Variants in FOXR1 observed in about 807,000 individuals in gnomAD.
The protein encoded by FOXR1 is forkhead box R1.
A neutral mutation model predicts 34.5 loss-of-function variants in FOXR1; 25 were observed. The ratio of observed to expected loss-of-function variants is 0.72; its 90% confidence interval spans 0.53 to 1.01. FOXR1 has a LOEUF of 1.01. Among genes scored for constraint, FOXR1 ranks in the 50% least tolerant of loss-of-function variants. The pLI is 0.00. For missense variants in FOXR1, 373 were observed against 376.2 expected, an observed-to-expected ratio of 0.99 and a Z score of 0.07; for synonymous variants, 153 against 141.6, an observed-to-expected ratio of 1.08 and a Z score of -0.57.
intron 1 of FOXR1, among the ~76,000 whole-genome samples, chr11:118,974,569 A>C (rs745785271): frequency 3.3e-5 from 5 of 152,272 alleles, no homozygotes; most frequent in South Asian, 4.2e-4. Context: ...ACTGTCTTGA[A>C]ATTTTTAATA....
intron 4 of FOXR1, 196 bp from the exon 5 acceptor site, chr11:118,980,294 G>C: frequency 1.4e-6 from 1 of 708,746 alleles, no homozygotes; most frequent in Non-Finnish European, 2.6e-6. Flanking sequence ...CAGAGGGAGG[G>C]AGGGTTCAGG....
At position 118,971,868 on chromosome 11, in the gene FOXR1, G is replaced by T; in HGVS notation, c.-64G>T. 1 of 1,525,640 alleles carries T rather than the reference G, an allele frequency of 6.6e-7. No individual in the cohort carries two copies. 94.5% of individuals were successfully genotyped at this position (1,525,640 alleles called of 1,614,324 possible). A position where few individuals can be genotyped will look rare whatever the true frequency, so the allele number is the denominator to read the frequency against. ...TGCCAGCCCCGAAGGTGGACGTGAA[G>T]CTCCAACACCTCGACTTCTGGGCCC... is the stretch of plus-strand genomic sequence containing the variant. On this transcript the variant is annotated 5_prime_UTR_variant, in exon 1 of 6. Transcript: ENST00000317011.
chr11:118,977,820 C>G (rs1194240127), intron 1 of FOXR1, among the ~76,000 whole-genome samples: 2 of 152,146 alleles, frequency 1.3e-5, no homozygotes, highest in Non-Finnish European at 1.5e-5. Context: ...GGCATGGTAG[C>G]TCACGCCCGT....
chr11:118,973,524 C>G (rs1412479701), intron 1 of FOXR1, among the ~76,000 whole-genome samples: 2 of 151,896 alleles, frequency 1.3e-5, no homozygotes, highest in Non-Finnish European at 2.9e-5. Context: ...CTCAGCCTCC[C>G]GAGTAGCTGG....
Position 118,979,030 on chromosome 11 carries a change from C to G in FOXR1, c.210C>G (p.Val70=). 1 of 1,602,586 alleles carries G rather than the reference C, an allele frequency of 6.2e-7. No individual in the cohort carries two copies. Among genetic ancestry groups the G allele is most frequent in the Non-Finnish European group, 8.5e-7 (1 of 1,174,356 alleles). The change falls in exon 3 of 6, where the codon GTC becomes GTG. Residue 70 remains valine (V), a synonymous_variant. Transcript: ENST00000317011. ...NIVYPPGKLE[V]SGRRKREDLT... Reference sequence around the variant, plus strand: ...TGTATCCCCCTGGAAAGCTGGAGGTCTCAGGACGTAGGAAGAGGGAGGACC... The same window carrying G: ...TGTATCCCCCTGGAAAGCTGGAGGTGTCAGGACGTAGGAAGAGGGAGGACC...
chr11:118,972,254 G>A (rs1423863007), intron 1 of FOXR1, among the ~76,000 whole-genome samples: 1 of 152,026 alleles, frequency 6.6e-6, no homozygotes, highest in Non-Finnish European at 1.5e-5. Flanking sequence ...CCGGAGGACA[G>A]CTGGTCTCAC....
chr11:118,972,176 A>C (rs1303026497), intron 1 of FOXR1, among the ~76,000 whole-genome samples, 184 bp downstream of exon 1: 5 of 98,520 alleles, frequency 5.1e-5, no homozygotes, highest in Non-Finnish European at 4.4e-5. Context: ...CTCCACCCCC[A>C]CTCGCGAACT....
rs782612307 is a variant in FOXR1 at position 118,979,176 on chromosome 11, G to A, written c.356G>A (p.Arg119Gln). Reference sequence around the variant, plus strand: ...AGCAAGCGGTCTCCCCCTCGGAAGCGGTTTGCCTTTTCCCCCAGCACCTGG... The same window carrying A: ...AGCAAGCGGTCTCCCCCTCGGAAGCAGTTTGCCTTTTCCCCCAGCACCTGG... ...SSSKRSPPRK[R>Q]FAFSPSTWEL... Residue 119 changes from arginine to glutamine, a missense_variant, in exon 3 of 6, where the codon CGG (arginine) becomes CAG (glutamine). By Grantham distance (43) the Arg-to-Gln change is conservative. Coordinates refer to ENST00000317011, the MANE Select transcript of FOXR1 (RefSeq NM_181721.3). 41 of 1,535,372 alleles carry A rather than the reference G, an allele frequency of 2.7e-5. No individual in the cohort carries two copies. The East Asian group carries it at 3.8e-4, about 14-fold the overall frequency.
Position 118,979,334 on chromosome 11 carries a change from T to A in FOXR1, c.385-108T>A, listed in dbSNP as rs931100970. On this transcript the variant is annotated intron_variant, in intron 3 of 5. Transcript: ENST00000317011. ...TTCAGAAATTACCTACATGCTTGGG[T>A]TGGGGAGAAGCCCAAATGGTGGCCT... is the stretch of plus-strand genomic sequence containing the variant. 5 of 1,491,510 alleles carry A rather than the reference T, an allele frequency of 3.4e-6. No individual in the cohort carries two copies. The African/African-American group carries it at 4.2e-5, about 13-fold the overall frequency. The allele number at this position is 1,491,510 out of a possible 1,614,324, so 92.4% of individuals were successfully genotyped here.
intron 1 of FOXR1, 29 bp downstream of exon 1, chr11:118,972,021 G>C (rs1187509646): frequency 6.9e-7 from 1 of 1,442,644 alleles, no homozygotes; most frequent in African/African-American, 2.4e-5. Flanking sequence ...GAGGTGGGGG[G>C]CTGGGCGTGG....
intron 1 of FOXR1, among the ~76,000 whole-genome samples, chr11:118,975,541 C>T (rs1461829842): frequency 1.3e-5 from 2 of 150,316 alleles, no homozygotes; most frequent in Admixed American, 6.7e-5. Flanking sequence ...TTGAACTCCT[C>T]GGCTCAAGTG....
intron 1 of FOXR1, among the ~76,000 whole-genome samples, chr11:118,974,731 C>T (rs943390919): frequency 2.6e-5 from 4 of 152,044 alleles, no homozygotes; most frequent in African/African-American, 7.2e-5. Context: ...AGTAGTAATC[C>T]AGACAAGAGA....
chr11:118,977,599 T>TA (rs1429277648), intron 1 of FOXR1, among the ~76,000 whole-genome samples: 5 of 152,132 alleles, frequency 3.3e-5, no homozygotes, highest in African/African-American at 9.7e-5. Flanking sequence ...TTTTTCCTTT[T>TA]TTGAATACTA....
At chr11:118,972,537 G>C (rs1040561260) in intron 1 of FOXR1, among the ~76,000 whole-genome samples, 2 of 151,750 alleles carry the variant, frequency 1.3e-5, no homozygotes, top group African/African-American at 4.8e-5. Context: ...TTCTTTGGAC[G>C]TCAAGTGTGG....
At chr11:118,979,700 A>G in intron 4 of FOXR1, 32 bp downstream of exon 4, 1 of 1,542,470 alleles carries the variant, frequency 6.5e-7, no homozygotes, top group Non-Finnish European at 8.8e-7. Context: ...AGGAGGGGGA[A>G]GTGGGGGCCA....
At chr11:118,977,111 A>G (rs1941788666) in intron 1 of FOXR1, among the ~76,000 whole-genome samples, 1 of 152,068 alleles carries the variant, frequency 6.6e-6, no homozygotes, top group African/African-American at 2.4e-5. Context: ...GCTCACTGCA[A>G]CTTCTGCCTC....
At chr11:118,976,738 T>C (rs189890123) in intron 1 of FOXR1, among the ~76,000 whole-genome samples, 1 of 152,214 alleles carries the variant, frequency 6.6e-6, no homozygotes, top group Non-Finnish European at 1.5e-5. Context: ...TCTGTCTCTT[T>C]GCATGTTTCT....
At chr11:118,977,514 C>T (rs540608384) in intron 1 of FOXR1, among the ~76,000 whole-genome samples, 3 of 152,042 alleles carry the variant, frequency 2.0e-5, no homozygotes, top group Admixed American at 6.6e-5. Flanking sequence ...CGGTGTCACA[C>T]CACTGCACTC....
chr11:118,979,539 G>C lies in FOXR1; in HGVS notation c.482G>C (p.Arg161Pro). Residue 161 changes from arginine (R) to proline (P), a missense_variant, in exon 4 of 6, where the codon CGG becomes CCG. Transcript: ENST00000317011. ...GCCCCCCTCCAGAGTCGGAGGCTTC[G>C]GCAAGCCAGCAGCCAGGCGGGGAGG... ...KRAPLQSRRL[R>P]QASSQAGRLW... is the part of the protein sequence containing the mutation. The C allele has an allele frequency of 6.2e-7, 1 of 1,613,632 alleles. No homozygotes were observed. The highest frequency in any genetic ancestry group is 8.5e-7 in the Non-Finnish European group (1 of 1,179,792).
Sources: gnomAD v4.1 joint callset for allele counts (sites outside exome capture counted in the v4.1 genomes callset) on GRCh38, gnomAD v4.1.1 for gene constraint, MANE v1.5 for transcripts, NCBI Gene and HGNC (gene_info 2026-07-23, HGNC 2026-07-21) for gene names.